VRK3: variants seen among roughly 807,000 people sequenced by gnomAD.
VRK3 encodes the protein VRK serine/threonine kinase 3, also known as serine/threonine-protein kinase VRK3.
In VRK3, 50 loss-of-function variants were observed where a neutral mutation model predicts 60.4. That is an observed-to-expected ratio of 0.83 (90% CI 0.66 to 1.05). VRK3 has a LOEUF of 1.05. VRK3 is among the 50% of genes least tolerant of loss of function. The pLI, the probability that VRK3 is intolerant of heterozygous loss-of-function variation, is 0.00. For missense variants in VRK3, 549 were observed against 585.3 expected (o/e 0.94, Z 0.64); for synonymous variants, 246 against 227.8 (o/e 1.08, Z -0.72).
intron 4 of VRK3, 104 bp from the exon 5 acceptor site, chr19:50,007,930 A>G: frequency 1.3e-6 from 2 of 1,499,916 alleles, no homozygotes; most frequent in South Asian, 2.5e-5. Context: ...AAATTCGTTC[A>G]TTCAACAAAC....
At chr19:50,009,212 G>T in intron 4 of VRK3, 24 bp downstream of exon 4, 1 of 1,610,322 alleles carries the variant, frequency 6.2e-7, no homozygotes, top group Non-Finnish European at 8.5e-7. Flanking sequence ...TTAAGAGTCA[G>T]GCCAGATAGA....
In VRK3 at chr19:50,016,449, C is replaced by T. The variant is rs561265719; in HGVS notation, c.-1-286G>A. Among the ~76,000 whole-genome samples, 16 of 152,230 alleles carry T rather than the reference C, an allele frequency of 1.1e-4. 1 individual carries two copies. In the South Asian group the frequency reaches 2.7e-3, roughly 26 times the overall value. On this transcript the variant is annotated intron_variant, in intron 2 of 14. Transcript: ENST00000316763. ...GGTGTGAGTAGAGTCATCTCATGGCCGAGGCAGTTAGGAGTCAGAATACCT... is the reference window on the plus strand; with the variant it reads ...GGTGTGAGTAGAGTCATCTCATGGCTGAGGCAGTTAGGAGTCAGAATACCT...
In VRK3 at chr19:49,990,105, C is replaced by T. The variant is rs527487975; in HGVS notation, c.964-334G>A. 2.0e-5 allele frequency among the ~76,000 whole-genome samples: 3 copies of T among 152,042 alleles called. No individual in the cohort carries two copies. The East Asian group carries it at 5.8e-4, about 29-fold the overall frequency. ...CTTGTTTTCCACAGAGGCCTCACAC[C>T]AGACCTCCTGTTGGGCACCGGCACT... On this transcript the variant is annotated intron_variant, in intron 10 of 14. Transcript: ENST00000316763.
intron 12 of VRK3, among the ~76,000 whole-genome samples, chr19:49,987,360 A>C (rs1232233013): frequency 6.6e-6 from 1 of 151,766 alleles, no homozygotes; most frequent in Non-Finnish European, 1.5e-5. Flanking sequence ...GGTGCTGAAC[A>C]CACACCTTAG....
chr19:50,006,337 T>C (rs796736004), intron 5 of VRK3, among the ~76,000 whole-genome samples: 13 of 151,018 alleles, frequency 8.6e-5, no homozygotes, highest in African/African-American at 2.9e-4. Context: ...TAAATAATAA[T>C]AATAAAAGAA....
intron 2 of VRK3, among the ~76,000 whole-genome samples, chr19:50,018,300 A>G (rs2077109619): frequency 6.6e-6 from 1 of 152,234 alleles, no homozygotes; most frequent in African/African-American, 2.4e-5. Context: ...CCAAGTTACT[A>G]TATTCCAGTC....
chr19:49,983,397 G>A (rs1290200523), intron 12 of VRK3, among the ~76,000 whole-genome samples: 6 of 152,206 alleles, frequency 3.9e-5, no homozygotes, highest in Non-Finnish European at 7.3e-5. Flanking sequence ...GACCCCTCCA[G>A]GCGGAGGAAC....
chr19:49,985,521 G>A (rs1001842475), intron 12 of VRK3, among the ~76,000 whole-genome samples: 4 of 152,240 alleles, frequency 2.6e-5, no homozygotes, highest in South Asian at 4.1e-4. Context: ...TGTTACCATC[G>A]CTGCGAGACC....
Position 49,989,665 on chromosome 19 carries a change from A to T in VRK3, c.1070T>A (p.Ile357Asn). 6.2e-7 allele frequency: 1 copy of T among 1,613,654 alleles called. No homozygotes were observed. The highest frequency in any genetic ancestry group is 2.2e-5 in the East Asian group (1 of 44,876). Residue 357 changes from isoleucine to asparagine, a missense_variant, in exon 11 of 15, where the codon ATT becomes AAT. Ile to Asn is a moderately radical substitution (Grantham distance 149). Transcript: ENST00000316763. ...GCATCCCTTGTGCAGGTCCATGCTA[A>T]TGAACTCAAGGTCCCCCTCGTGAGG... is the stretch of plus-strand genomic sequence containing the variant. ...RSPHEGDLEF[I>N]SMDLHKGCGP...
chr19:50,015,130 C>CA (rs990987515), intron 3 of VRK3, among the ~76,000 whole-genome samples: 14 of 152,166 alleles, frequency 9.2e-5, no homozygotes, highest in African/African-American at 3.4e-4. Context: ...AAGTCTAGGG[C>CA]AGGCGGCAGG....
At chr19:49,980,006 C>T (rs970187635) in intron 13 of VRK3, among the ~76,000 whole-genome samples, 8 of 151,662 alleles carry the variant, frequency 5.3e-5, no homozygotes, top group African/African-American at 1.7e-4. Context: ...GCCAAGATCA[C>T]GCCACCGCAC....
At chr19:49,994,748 G>A in intron 9 of VRK3, 66 bp downstream of exon 9, 1 of 1,427,130 alleles carries the variant, frequency 7.0e-7, no homozygotes. Flanking sequence ...TGACTAAAGT[G>A]CCTGCTAAAC....
intron 10 of VRK3, among the ~76,000 whole-genome samples, chr19:49,992,015 T>A (rs1442513617): frequency 2.0e-5 from 3 of 152,246 alleles, no homozygotes; most frequent in Non-Finnish European, 4.4e-5. Flanking sequence ...ACTATTACAA[T>A]CAGTGTTGCC....
At chr19:50,000,314 TCTG>T (rs2076780902) in intron 6 of VRK3, 1 of 168,884 alleles carries the variant, frequency 5.9e-6, no homozygotes, top group South Asian at 1.3e-4. Context: ...ACATGTCCTG[TCTG>T]CTGAGACTCA....
intron 3 of VRK3, chr19:50,015,619 T>C (rs1486918949): frequency 5.8e-6 from 1 of 172,900 alleles, no homozygotes; most frequent in Non-Finnish European, 1.3e-5. Context: ...AGATTTCAGA[T>C]TTTTGAATCA....
At chr19:49,979,355 C>A in intron 13 of VRK3, 113 bp from the exon 14 acceptor site, 1 of 1,477,376 alleles carries the variant, frequency 6.8e-7, no homozygotes, top group Non-Finnish European at 9.2e-7. Flanking sequence ...GCATGAGGGT[C>A]TCAGCAAAAG....
intron 12 of VRK3, chr19:49,981,705 T>C (rs958112857): frequency 2.0e-6 from 2 of 999,478 alleles, no homozygotes; most frequent in Non-Finnish European, 2.4e-6. Context: ...AGATCCAAGA[T>C]GGAAATAAAG....
At chr19:49,984,021 G>A (rs2076470386) in intron 12 of VRK3, among the ~76,000 whole-genome samples, 1 of 152,148 alleles carries the variant, frequency 6.6e-6, no homozygotes, top group South Asian at 2.1e-4. Flanking sequence ...TGATTACCAT[G>A]ACCTGTCTTA....
At chr19:49,994,209 G>A (rs2076661271) in intron 9 of VRK3, among the ~76,000 whole-genome samples, 1 of 152,104 alleles carries the variant, frequency 6.6e-6, no homozygotes, top group Non-Finnish European at 1.5e-5. Context: ...AGCAGGGGCC[G>A]CTTCTATTCA....
Sources: allele counts gnomAD v4.1 joint callset (sites outside exome capture counted in the v4.1 genomes callset), GRCh38; gene constraint gnomAD v4.1.1; transcripts MANE v1.5; gene names NCBI Gene and HGNC (gene_info 2026-07-23, HGNC 2026-07-21).